Variants in PTPRJ observed in about 807,000 individuals in gnomAD.
PTPRJ encodes the protein receptor-type tyrosine-protein phosphatase eta.
PTPRJ carries 129 observed loss-of-function variants against 141.3 expected under a neutral mutation model. The observed-to-expected ratio is 0.91, with a 90% CI of 0.79 to 1.06. PTPRJ has a LOEUF of 1.06. Ranked by LOEUF, PTPRJ falls within the 50% of genes least tolerant of loss-of-function variation. The pLI is 0.00. For missense variants in PTPRJ, 1,601 were observed against 1,679.7 expected (o/e 0.95, Z 0.82); for synonymous variants, 610 against 640.5 (o/e 0.95, Z 0.72).
chr11:48,145,301 C>T (rs775145483), intron 14 of PTPRJ, among the ~76,000 whole-genome samples, 177 bp downstream of exon 14: 17 of 152,244 alleles, frequency 1.1e-4, no homozygotes, highest in Non-Finnish European at 2.1e-4. Context: ...CTTCCTCCTC[C>T]GAGGTCCCAC....
chr11:48,122,937 G>C (rs1856742699), intron 4 of PTPRJ, among the ~76,000 whole-genome samples: 1 of 152,154 alleles, frequency 6.6e-6, no homozygotes, highest in Admixed American at 6.5e-5. Context: ...ACTGCTACCA[G>C]GAGTGTGTGT....
rs748219406 is a variant in PTPRJ, at chr11:48,155,810, C to T, written c.3239C>T (p.Ser1080Phe). 3.1e-6 allele frequency: 5 copies of T among 1,597,578 alleles called. No individual in the cohort carries two copies. In the South Asian group the frequency reaches 5.6e-5, roughly 18 times the overall value. The change falls in exon 20 of 25, where the codon TCC (serine) becomes TTC (phenylalanine). Residue 1080 changes from serine (S) to phenylalanine (F), a missense_variant. Transcript: ENST00000418331. The stretch of plus-strand genomic sequence containing the variant: ...TCTTTTAATGTCACAGATGATATTT[C>T]CCGTGTCAAACTTTCGGTCCAGACC... ...RYNNVLPYDISRVKLSVQTHS... is the reference protein window; with the variant it reads ...RYNNVLPYDIFRVKLSVQTHS...
intron 1 of PTPRJ, among the ~76,000 whole-genome samples, chr11:47,989,112 T>C (rs1460741039): frequency 6.6e-6 from 1 of 151,370 alleles, no homozygotes; most frequent in Non-Finnish European, 1.5e-5. Flanking sequence ...CTCGATCTCC[T>C]GACCTTGTGA....
At chr11:48,119,850 C>T (rs531059394) in intron 3 of PTPRJ, among the ~76,000 whole-genome samples, 6 of 152,296 alleles carry the variant, frequency 3.9e-5, no homozygotes, top group Non-Finnish European at 8.8e-5. Flanking sequence ...GAATGACTGC[C>T]GTATCACCTG....
chr11:48,026,758 T>C (rs182743210), intron 1 of PTPRJ, among the ~76,000 whole-genome samples: 146 of 151,780 alleles, frequency 9.6e-4, no homozygotes, highest in African/African-American at 3.3e-3. Context: ...ATGAGTAGGT[T>C]CTTTAGTGGT....
At chr11:48,048,004 G>A (rs779137232) in intron 1 of PTPRJ, among the ~76,000 whole-genome samples, 7 of 152,158 alleles carry the variant, frequency 4.6e-5, no homozygotes, top group South Asian at 2.1e-4. Context: ...TTTTGGGGGC[G>A]TTTTGGGGGC....
At chr11:48,166,109 C>T (rs935602993) in intron 24 of PTPRJ, among the ~76,000 whole-genome samples, 16 of 151,760 alleles carry the variant, frequency 1.1e-4, no homozygotes, top group African/African-American at 2.7e-4. Context: ...ATGATCCGCC[C>T]GCCTCGGCCT....
chr11:48,123,501 T>G, intron 4 of PTPRJ, 112 bp from the exon 5 acceptor site: 2 of 1,116,702 alleles, frequency 1.8e-6, no homozygotes, highest in Non-Finnish European at 1.2e-6. Flanking sequence ...ACCTCAGTCA[T>G]TCTTTCTTTT....
chr11:48,105,236 C>T (rs1042677303), intron 1 of PTPRJ, among the ~76,000 whole-genome samples: 14 of 151,876 alleles, frequency 9.2e-5, no homozygotes, highest in East Asian at 1.9e-4. Flanking sequence ...CAGGTCCTGG[C>T]GCACCCAGAT....
At chr11:47,994,578 G>GT (rs1432035597) in intron 1 of PTPRJ, among the ~76,000 whole-genome samples, 3 of 152,078 alleles carry the variant, frequency 2.0e-5, no homozygotes, top group Non-Finnish European at 4.4e-5. Flanking sequence ...AGCCCTGGAG[G>GT]TGGAGGTTGC....
At chr11:48,054,392 T>A (rs563124075) in intron 1 of PTPRJ, among the ~76,000 whole-genome samples, 12 of 152,260 alleles carry the variant, frequency 7.9e-5, no homozygotes, top group Non-Finnish European at 1.5e-4. Flanking sequence ...GAAGGAGAGG[T>A]CATCTTGTCT....
intron 1 of PTPRJ, among the ~76,000 whole-genome samples, chr11:48,061,375 C>T (rs1018522749): frequency 7.9e-5 from 12 of 152,164 alleles, no homozygotes; most frequent in East Asian, 5.8e-4. Context: ...CTGTTGTCAC[C>T]GGTGGGGCTC....
At position 48,022,284 on chromosome 11, in the gene PTPRJ, G is replaced by A. The variant is rs573005055; in HGVS notation, c.96+41276G>A. Among the ~76,000 whole-genome samples the A allele has an allele frequency of 3.0e-3, 462 of 152,164 alleles. 1 individual carries two copies. The highest frequency in any genetic ancestry group is 5.5e-3 in the Non-Finnish European group (375 of 68,002). On this transcript the variant is annotated intron_variant, in intron 1 of 24. Coordinates refer to ENST00000418331, the MANE Select transcript of PTPRJ (RefSeq NM_002843.4). ...GTTCGAGACCAGCCTGGCCAACATG[G>A]AGAAACCCCGTCTCTACTAAAAATA...
chr11:48,137,428 G>A (rs1857130823), intron 10 of PTPRJ, 147 bp downstream of exon 10: 8 of 816,820 alleles, frequency 9.8e-6, no homozygotes, highest in Non-Finnish European at 1.5e-5. Flanking sequence ...TTAGCTTATC[G>A]GTGCTGTCTC....
intron 1 of PTPRJ, among the ~76,000 whole-genome samples, chr11:48,000,140 C>CTTTTT (rs1168869186): frequency 2.5e-5 from 3 of 121,366 alleles, no homozygotes; most frequent in Non-Finnish European, 5.2e-5. Context: ...ATGCCTGGCC[C>CTTTTT]TTTTTTTTTT....
At chr11:48,162,045 G>A (rs1324352729) in intron 22 of PTPRJ, among the ~76,000 whole-genome samples, 1 of 152,026 alleles carries the variant, frequency 6.6e-6, no homozygotes, top group African/African-American at 2.4e-5. Flanking sequence ...AAAAATTGCT[G>A]TTACTATGAT....
Position 48,022,794 on chromosome 11 carries a change from C to A in PTPRJ, c.96+41786C>A, listed in dbSNP as rs150051616. Among the ~76,000 whole-genome samples, 354 of 152,240 alleles carry A rather than the reference C, an allele frequency of 2.3e-3. 2 individuals are homozygous for A. Among genetic ancestry groups the A allele is most frequent in the Non-Finnish European group, 1.6e-3 (112 of 68,020 alleles). ...TTTTGGTTTGTGGGAAGAAAGGGTT[C>A]TCTTGCCGGTGTGTGTGTTTCTGAT... On this transcript the variant is annotated intron_variant, in intron 1 of 24. Transcript: ENST00000418331.
chr11:48,146,551 G>A (rs11039543), intron 14 of PTPRJ, among the ~76,000 whole-genome samples: 65,533 of 151,986 alleles, frequency 0.43, 17,008 homozygotes, highest in Non-Finnish European at 0.56. Flanking sequence ...GAGGTGGCAG[G>A]AAAAATATCT....
intron 1 of PTPRJ, among the ~76,000 whole-genome samples, chr11:48,091,433 TGTA>T (rs1855863999): frequency 2.0e-5 from 3 of 152,170 alleles, no homozygotes; most frequent in African/African-American, 7.2e-5. Flanking sequence ...AAAGTGTGTG[TGTA>T]TATTTAAAAG....
Sources: allele counts gnomAD v4.1 joint callset (sites outside exome capture counted in the v4.1 genomes callset), GRCh38; gene constraint gnomAD v4.1.1; transcripts MANE v1.5; gene names NCBI Gene and HGNC (gene_info 2026-07-23, HGNC 2026-07-21).